The following BCL2L1 variants were observed in gnomAD, a reference collection of about 807,000 sequenced individuals.
The protein encoded by BCL2L1 is BCL2 like 1.
A neutral mutation model predicts 18.7 loss-of-function variants in BCL2L1; 1 was observed. That is an observed-to-expected ratio of 0.05 (90% CI 0.02 to 0.25). BCL2L1 has a LOEUF of 0.25. Ranked by LOEUF, BCL2L1 falls within the 10% of genes least tolerant of loss-of-function variation. BCL2L1 has a pLI of 1.00. For synonymous variants in BCL2L1, 103 were observed against 122.7 expected (o/e 0.84, Z 1.06); for missense variants, 207 against 304.9 (o/e 0.68, Z 2.39).
intron 2 of BCL2L1, among the ~76,000 whole-genome samples, chr20:31,719,659 C>A (rs951445924): frequency 6.6e-6 from 1 of 152,168 alleles, no homozygotes; most frequent in African/African-American, 2.4e-5. Context: ...GAATTTCAAC[C>A]CCATGGAGAT....
At chr20:31,696,766 A>G in intron 2 of BCL2L1, among the ~76,000 whole-genome samples, 1 of 152,074 alleles carries the variant, frequency 6.6e-6, no homozygotes, top group Non-Finnish European at 1.5e-5. Context: ...TTTAAAAATA[A>G]GCTAGTCGGC....
rs922028749 is a variant in BCL2L1 at position 31,681,261 on chromosome 20, T to A, written c.565-15175A>T. On this transcript the variant is annotated intron_variant, in intron 2 of 2. Coordinates refer to ENST00000307677, the MANE Select transcript of BCL2L1 (RefSeq NM_138578.3). The stretch of plus-strand genomic sequence containing the variant: ...GCTGCTGGGTGGAGATCTCCAGGGG[T>A]CTGGTGAGATAATCAGGAAAATATG... Among the ~76,000 whole-genome samples, 3 of 151,180 alleles carry A rather than the reference T, an allele frequency of 2.0e-5. No homozygotes were observed. The South Asian group carries it at 6.3e-4, about 32-fold the overall frequency.
intron 2 of BCL2L1, among the ~76,000 whole-genome samples, chr20:31,702,103 T>G (rs1048704722): frequency 1.3e-5 from 2 of 152,132 alleles, no homozygotes; most frequent in Admixed American, 1.3e-4. Context: ...TCAAGGAAAG[T>G]CTCTCAGAGG....
intron 2 of BCL2L1, among the ~76,000 whole-genome samples, chr20:31,715,313 C>T (rs2061515655): frequency 6.6e-6 from 1 of 151,612 alleles, no homozygotes; most frequent in African/African-American, 2.4e-5. Flanking sequence ...CCACCAAAGC[C>T]AAATCCTCAT....
At chr20:31,678,142 G>C (rs2060794371) in intron 2 of BCL2L1, among the ~76,000 whole-genome samples, 1 of 152,144 alleles carries the variant, frequency 6.6e-6, no homozygotes, top group South Asian at 2.1e-4. Flanking sequence ...GGCAGGAATG[G>C]GGTAGCAATC....
intron 2 of BCL2L1, among the ~76,000 whole-genome samples, chr20:31,719,736 A>T (rs1241466345): frequency 6.6e-6 from 1 of 152,200 alleles, no homozygotes; most frequent in African/African-American, 2.4e-5. Context: ...GCAGCTGGCA[A>T]TTCTCTGGTA....
At chr20:31,723,664 A>G (rs2061672037), upstream of BCL2L1, 1 of 985,496 alleles carries the variant, frequency 1.0e-6, no homozygotes, top group African/African-American at 1.7e-5. Flanking sequence ...CCCAGCCGGC[A>G]CGGAAGCGGG....
At chr20:31,686,372 CAG>C (rs2060955279) in intron 2 of BCL2L1, 1 of 152,180 alleles carries the variant, frequency 6.6e-6, no homozygotes, top group South Asian at 2.1e-4. Flanking sequence ...CAGAAGACCT[CAG>C]TTCACCCAAG....
intron 2 of BCL2L1, among the ~76,000 whole-genome samples, chr20:31,699,233 T>C (rs2061239397): frequency 6.6e-6 from 1 of 152,262 alleles, no homozygotes; most frequent in South Asian, 2.1e-4. Context: ...ATTCCAGTCA[T>C]GACCCTGCAG....
intron 2 of BCL2L1, among the ~76,000 whole-genome samples, chr20:31,688,180 C>T (rs1289708789): frequency 6.6e-6 from 1 of 152,072 alleles, no homozygotes; most frequent in East Asian, 1.9e-4. Context: ...CGGTGGCTCA[C>T]ACCTGTAAAT....
intron 2 of BCL2L1, among the ~76,000 whole-genome samples, chr20:31,695,790 A>G (rs1428420607): frequency 2.0e-5 from 3 of 152,220 alleles, no homozygotes; most frequent in East Asian, 3.9e-4. Context: ...CTACAACACT[A>G]TTCCCCCATA....
chr20:31,704,650 A>G (rs1007657621), intron 2 of BCL2L1, among the ~76,000 whole-genome samples: 11 of 152,106 alleles, frequency 7.2e-5, no homozygotes, highest in African/African-American at 2.7e-4. Flanking sequence ...GAGGGGTGGG[A>G]ATCCCATCTT....
intron 2 of BCL2L1, among the ~76,000 whole-genome samples, chr20:31,710,853 A>G (rs1600909070): frequency 6.6e-6 from 1 of 152,196 alleles, no homozygotes; most frequent in East Asian, 1.9e-4. Flanking sequence ...TGTATCTAAT[A>G]ATAACCCTTC....
At chr20:31,709,667 A>G (rs2061422128) in intron 2 of BCL2L1, among the ~76,000 whole-genome samples, 1 of 151,602 alleles carries the variant, frequency 6.6e-6, no homozygotes, top group Non-Finnish European at 1.5e-5. Flanking sequence ...CCCCGTCTCT[A>G]CTAAAAATAC....
At chr20:31,672,537 T>C (rs2060687685) in intron 2 of BCL2L1, among the ~76,000 whole-genome samples, 1 of 149,388 alleles carries the variant, frequency 6.7e-6, no homozygotes, top group Non-Finnish European at 1.5e-5. Context: ...AGAGGAGGGG[T>C]GTTCCTGGGT....
intron 2 of BCL2L1, among the ~76,000 whole-genome samples, chr20:31,684,934 T>G (rs892004517): frequency 1.3e-5 from 2 of 152,146 alleles, no homozygotes; most frequent in African/African-American, 4.8e-5. Flanking sequence ...GAAGGCCTGT[T>G]GTGAATAGGG....
chr20:31,687,080 G>A (rs1275226984), intron 2 of BCL2L1, among the ~76,000 whole-genome samples: 1 of 152,080 alleles, frequency 6.6e-6, no homozygotes, highest in African/African-American at 2.4e-5. Context: ...AACTTTGGGA[G>A]GTCCAGGAGG....
At chr20:31,709,704 G>T (rs1226402098) in intron 2 of BCL2L1, among the ~76,000 whole-genome samples, 1 of 151,458 alleles carries the variant, frequency 6.6e-6, no homozygotes, top group Admixed American at 6.6e-5. Flanking sequence ...GCCTGGTGGC[G>T]GGCACCTGTA....
In BCL2L1 at chr20:31,666,505, A is replaced by G. The variant is rs3787364; in HGVS notation, c.565-419T>C. Reference sequence around the variant, plus strand: ...GTGGCCTGGAAGCCGCAAGGAGCCTAGAGTTGAGTCTGAGGGTAGTGTGGA... The same window carrying G: ...GTGGCCTGGAAGCCGCAAGGAGCCTGGAGTTGAGTCTGAGGGTAGTGTGGA... On this transcript the variant is annotated intron_variant, in intron 2 of 2. Coordinates refer to ENST00000307677, the MANE Select transcript of BCL2L1 (RefSeq NM_138578.3). Among the ~76,000 whole-genome samples, 25 of 152,246 alleles carry G rather than the reference A, an allele frequency of 1.6e-4. No homozygotes were observed. In the East Asian group the frequency reaches 4.6e-3, roughly 28 times the overall value.
Sources: allele counts gnomAD v4.1 joint callset (sites outside exome capture counted in the v4.1 genomes callset), GRCh38; gene constraint gnomAD v4.1.1; transcripts MANE v1.5; gene names NCBI Gene and HGNC (gene_info 2026-07-23, HGNC 2026-07-21).